The following TM9SF4 variants were observed in gnomAD, a reference collection of about 807,000 sequenced individuals.
TM9SF4 encodes the protein transmembrane 9 superfamily member 4.
In TM9SF4, 26 loss-of-function variants were observed where a neutral mutation model predicts 90.4. The observed-to-expected ratio is 0.29, with a 90% confidence interval of 0.21 to 0.40. The LOEUF is 0.40. TM9SF4 is among the 10% of genes least tolerant of loss of function. The pLI, the probability that TM9SF4 is intolerant of heterozygous loss-of-function variation, is 1.00. For synonymous variants in TM9SF4, 293 were observed against 315.4 expected (o/e 0.93, Z 0.75); for missense variants, 549 against 834.8 (o/e 0.66, Z 4.22).
chr20:32,162,522 A>G (rs1039277797), intron 17 of TM9SF4, among the ~76,000 whole-genome samples: 4 of 152,228 alleles, frequency 2.6e-5, no homozygotes, highest in Admixed American at 2.0e-4. Context: ...TTCACACTAC[A>G]ATGGCAGAGT....
chr20:32,123,584 G>T (rs2046367900), intron 1 of TM9SF4, among the ~76,000 whole-genome samples: 1 of 150,990 alleles, frequency 6.6e-6, no homozygotes, highest in Middle Eastern at 3.2e-3. Context: ...GGTCAAGTAT[G>T]TTAAATGTTT....
At chr20:32,128,674 G>T (rs2046458876) in intron 1 of TM9SF4, among the ~76,000 whole-genome samples, 1 of 152,150 alleles carries the variant, frequency 6.6e-6, no homozygotes, top group African/African-American at 2.4e-5. Context: ...GCAAGGACAT[G>T]CAGTATTTGA....
chr20:32,140,771 G>C lies in TM9SF4; in HGVS notation c.230-726G>C, dbSNP rs573514653. Reference sequence around the variant, plus strand: ...ACTGCATAATGCTGCCCTCACACAGGGCAGTCAGGGGAGGGAGTGATGGGC... The same window carrying C: ...ACTGCATAATGCTGCCCTCACACAGCGCAGTCAGGGGAGGGAGTGATGGGC... On this transcript the variant is annotated intron_variant, in intron 3 of 17. Transcript: ENST00000398022. 2.6e-5 allele frequency among the ~76,000 whole-genome samples: 4 copies of C among 152,274 alleles called. No homozygotes were observed. In the South Asian group the frequency reaches 8.3e-4, roughly 32 times the overall value.
Position 32,156,942 on chromosome 20 carries a change from C to CTTTTT in TM9SF4, c.1330-841_1330-837dup, listed in dbSNP as rs71185385. ...TATTTTTTTTTTTCCTGGACATTTTCTTTTTTTTTTTTTTTGAGACGAAGT... is the reference window on the plus strand; with the variant it reads ...TATTTTTTTTTTTCCTGGACATTTTCTTTTTTTTTTTTTTTTTTTTGAGACGAAGT... On this transcript the variant is annotated intron_variant, in intron 13 of 17. Transcript: ENST00000398022. 6.8e-5 allele frequency among the ~76,000 whole-genome samples: 7 copies of CTTTTT among 103,464 alleles called. 2 individuals are homozygous for CTTTTT. Among genetic ancestry groups the CTTTTT allele is most frequent in the Non-Finnish European group, 5.2e-5 (3 of 57,602 alleles). The allele number at this position is 103,464 out of a possible 152,430, so 67.9% of individuals were successfully genotyped here. A position where few individuals can be genotyped will look rare whatever the true frequency, so the allele number is the denominator to read the frequency against.
intron 15 of TM9SF4, 183 bp from the exon 16 acceptor site, chr20:32,159,809 T>C: frequency 1.3e-6 from 1 of 753,916 alleles, no homozygotes; most frequent in Non-Finnish European, 2.1e-6. Flanking sequence ...CCCTGGCCCC[T>C]CCCTAAGGAC....
In TM9SF4 at chr20:32,167,017, A is replaced by G. The variant is rs2047107760; in HGVS notation, c.*1573A>G. The G allele has an allele frequency of 6.6e-6, 1 of 152,116 alleles. No individual in the cohort carries two copies. Among genetic ancestry groups the G allele is most frequent in the Non-Finnish European group, 1.5e-5 (1 of 68,034 alleles). The allele number at this position is 152,116 out of a possible 1,614,324, so 9.4% of individuals were successfully genotyped here. A position where few individuals can be genotyped will look rare whatever the true frequency, so the allele number is the denominator to read the frequency against. On this transcript the variant is annotated 3_prime_UTR_variant, in exon 18 of 18. Coordinates refer to ENST00000398022, the MANE Select transcript of TM9SF4 (RefSeq NM_014742.4). The stretch of plus-strand genomic sequence containing the variant: ...CATCCACCAAGCATCAAGTTGGAGA[A>G]AAGGGAACCCAAGCAGTAGAGAGCG...
rs2046680005 is a variant in TM9SF4 at position 32,141,597 on chromosome 20, A to G, written c.330A>G (p.Pro110=). 6.2e-7 allele frequency: 1 copy of G among 1,614,150 alleles called. No individual in the cohort carries two copies. The highest frequency in any genetic ancestry group is 8.5e-7 in the Non-Finnish European group (1 of 1,180,032). ...TTCTGTGCAGCCAGTCCAACAAGCC[A>G]GTGACCCTGACAGTGGAGCAGAGCC... is the stretch of plus-strand genomic sequence containing the variant. ...CEVLCSQSNK[P]VTLTVEQSRL... The change falls in exon 4 of 18, where the codon CCA becomes CCG. Residue 110 remains proline (P), a synonymous_variant. Coordinates refer to ENST00000398022, the MANE Select transcript of TM9SF4 (RefSeq NM_014742.4).
chr20:32,156,513 A>T (rs1314370539), intron 13 of TM9SF4, among the ~76,000 whole-genome samples: 1 of 152,126 alleles, frequency 6.6e-6, no homozygotes, highest in Admixed American at 6.6e-5. Context: ...GTATATTCTG[A>T]CTCTTCTCTA....
intron 1 of TM9SF4, among the ~76,000 whole-genome samples, chr20:32,119,675 A>G (rs2046276762): frequency 6.6e-6 from 1 of 151,968 alleles, no homozygotes; most frequent in East Asian, 1.9e-4. Context: ...TTAAATTTTT[A>G]TGAAATTTAA....
intron 1 of TM9SF4, among the ~76,000 whole-genome samples, chr20:32,123,866 A>ATATATATATATATATATATTTTTTTTT: frequency 7.5e-5 from 7 of 93,958 alleles, no homozygotes; most frequent in South Asian, 3.4e-4. Context: ...ATATATATAT[A>ATATATATATATATATATATTTTTTTTT]TTTTTTTTTT....
chr20:32,131,621 C>T (rs570991453), intron 1 of TM9SF4, among the ~76,000 whole-genome samples: 1 of 152,104 alleles, frequency 6.6e-6, no homozygotes, highest in Admixed American at 6.5e-5. Flanking sequence ...AGGAAATAAG[C>T]ATCTGAAATG....
In TM9SF4 at chr20:32,164,357, A is replaced by G. The variant is rs563859652; in HGVS notation, c.1780-938A>G. Among the ~76,000 whole-genome samples the G allele has an allele frequency of 2.2e-4, 34 of 152,314 alleles. 1 individual carries two copies. The South Asian group carries it at 7.0e-3, about 32-fold the overall frequency. On this transcript the variant is annotated intron_variant, in intron 17 of 17. Coordinates refer to ENST00000398022, the MANE Select transcript of TM9SF4 (RefSeq NM_014742.4). ...ATAGAGCAAGACACCATTGCTAGAA[A>G]AAATATTAGCTGGGTGTGGTGGCAC...
chr20:32,141,208 C>A (rs2046671520), intron 3 of TM9SF4, among the ~76,000 whole-genome samples: 1 of 124,040 alleles, frequency 8.1e-6, no homozygotes, highest in Non-Finnish European at 1.6e-5. Context: ...CAGAGCGAGA[C>A]TCCATCTCAA....
chr20:32,109,968 G>A (rs1446226061), intron 1 of TM9SF4: 23 of 1,412,470 alleles, frequency 1.6e-5, no homozygotes, highest in Non-Finnish European at 2.0e-5. Flanking sequence ...TTTTGGGGGA[G>A]GCGCCGTTTC....
intron 1 of TM9SF4, among the ~76,000 whole-genome samples, chr20:32,122,316 C>T (rs1352105267): frequency 2.0e-5 from 3 of 148,968 alleles, no homozygotes; most frequent in Admixed American, 6.6e-5. Context: ...ACCCCCCCCA[C>T]CTCCCTCCCG....
intron 2 of TM9SF4, among the ~76,000 whole-genome samples, chr20:32,135,429 A>G (rs2046580821): frequency 6.6e-6 from 1 of 152,260 alleles, no homozygotes; most frequent in African/African-American, 2.4e-5. Context: ...TATAGAGCTT[A>G]AATCTTAGAT....
At chr20:32,149,797 G>A (rs2046815931) in intron 10 of TM9SF4, 31 bp downstream of exon 10, 2 of 1,609,456 alleles carry the variant, frequency 1.2e-6, no homozygotes, top group South Asian at 2.2e-5. Context: ...CGGGCATGGG[G>A]GCATGGCTTC....
intron 1 of TM9SF4, among the ~76,000 whole-genome samples, chr20:32,123,518 T>A (rs1409515722): frequency 6.6e-6 from 1 of 151,520 alleles, no homozygotes; most frequent in African/African-American, 2.4e-5. Context: ...TTCTTTTGGA[T>A]TATTTGTCCT....
At chr20:32,165,205 C>T in intron 17 of TM9SF4, 90 bp from the exon 18 acceptor site, 1 of 1,562,160 alleles carries the variant, frequency 6.4e-7, no homozygotes, top group South Asian at 1.2e-5. Flanking sequence ...GCCTCAGTTT[C>T]CCCATGATAT....
Sources: allele counts gnomAD v4.1 joint callset (sites outside exome capture counted in the v4.1 genomes callset), GRCh38; gene constraint gnomAD v4.1.1; transcripts MANE v1.5; gene names NCBI Gene and HGNC (gene_info 2026-07-23, HGNC 2026-07-21).